The following OSBPL1A variants were observed in gnomAD, a reference collection of about 807,000 sequenced individuals.
OSBPL1A encodes oxysterol-binding protein-related protein 1.
A neutral mutation model predicts 137.1 loss-of-function variants in OSBPL1A; 80 were observed. That is an observed-to-expected ratio of 0.58 (90% CI 0.49 to 0.70). The LOEUF (loss-of-function observed/expected upper bound fraction) is 0.70. OSBPL1A is among the 30% of genes least tolerant of loss of function. OSBPL1A has a pLI of 0.00. For missense variants in OSBPL1A, 970 were observed against 1,129.4 expected (o/e 0.86, Z 2.02); for synonymous variants, 365 against 389.7 (o/e 0.94, Z 0.75).
At chr18:24,175,113 T>TATATATATATATAC (rs1344719553) in intron 21 of OSBPL1A, among the ~76,000 whole-genome samples, 23 of 15,770 alleles carry the variant, frequency 1.5e-3, no homozygotes, top group East Asian at 3.5e-3. Context: ...TGTATGTATA[T>TATATATATATATAC]ATATATATAT....
At chr18:24,187,236 G>A (rs1336108529) in intron 18 of OSBPL1A, among the ~76,000 whole-genome samples, 2 of 152,036 alleles carry the variant, frequency 1.3e-5, no homozygotes, top group African/African-American at 4.8e-5. Flanking sequence ...GGCTGATGAA[G>A]GGGAAGTAGG....
At chr18:24,362,657 C>A (rs1247019474) in intron 4 of OSBPL1A, among the ~76,000 whole-genome samples, 1 of 152,114 alleles carries the variant, frequency 6.6e-6, no homozygotes, top group Non-Finnish European at 1.5e-5. Flanking sequence ...TGGTCAACAA[C>A]TAGAATATAC....
At chr18:24,291,669 T>C (rs967391252) in intron 14 of OSBPL1A, among the ~76,000 whole-genome samples, 4 of 151,034 alleles carry the variant, frequency 2.6e-5, no homozygotes, top group African/African-American at 9.7e-5. Context: ...AAGCAAGCTA[T>C]AGAACAACAA....
rs375300030 is a variant in OSBPL1A at position 24,334,227 on chromosome 18, GTTTT to G, written c.480+14_480+17del. On this transcript the variant is annotated intron_variant, in intron 6 of 27. Coordinates refer to ENST00000319481, the MANE Select transcript of OSBPL1A (RefSeq NM_080597.4). ...AAAGACTGCTTTTTGTCTTTTGGGG[GTTTT>G]TTGTTTGTTTTACCAGAGCTGTGAG... The G allele has an allele frequency of 6.9e-6, 11 of 1,587,242 alleles. No individual in the cohort carries two copies. The highest frequency in any genetic ancestry group is 5.7e-5 in the Admixed American group (3 of 53,078).
chr18:24,218,937 G>A (rs946922532), intron 17 of OSBPL1A, among the ~76,000 whole-genome samples: 1 of 152,020 alleles, frequency 6.6e-6, no homozygotes, highest in African/African-American at 2.4e-5. Flanking sequence ...TACAATTTTT[G>A]TTAGTTAAAA....
chr18:24,164,266 T>TA (rs2145899817), intron 27 of OSBPL1A, among the ~76,000 whole-genome samples: 1 of 152,042 alleles, frequency 6.6e-6, no homozygotes, highest in East Asian at 1.9e-4. Flanking sequence ...GAAACGTGAA[T>TA]AAAACCCACA....
At chr18:24,291,561 A>G (rs1156790606) in intron 14 of OSBPL1A, among the ~76,000 whole-genome samples, 2 of 152,140 alleles carry the variant, frequency 1.3e-5, no homozygotes, top group Non-Finnish European at 2.9e-5. Context: ...AGAGAATATA[A>G]AGAATGATGA....
intron 14 of OSBPL1A, among the ~76,000 whole-genome samples, chr18:24,286,621 A>G (rs1195873856): frequency 1.3e-5 from 2 of 152,242 alleles, no homozygotes; most frequent in Non-Finnish European, 2.9e-5. Flanking sequence ...ATGGACTAGA[A>G]TAATCCATAG....
intron 15 of OSBPL1A, among the ~76,000 whole-genome samples, chr18:24,260,417 A>G (rs1476959894): frequency 1.3e-5 from 2 of 152,250 alleles, no homozygotes; most frequent in African/African-American, 4.8e-5. Flanking sequence ...CCAAATGCCC[A>G]TAAATGGATA....
In OSBPL1A at chr18:24,178,324, T is replaced by G. The variant is rs1211524878; in HGVS notation, c.1911-129A>C. 4 of 969,882 alleles carry G rather than the reference T, an allele frequency of 4.1e-6. No homozygotes were observed. The East Asian group carries it at 8.0e-5, about 19-fold the overall frequency. The allele number at this position is 969,882 out of a possible 1,614,324, so 60.1% of individuals were successfully genotyped here. ...TGTTGTTGTTGTTGAGACAAAATCT[T>G]GCTCTGTCGCTCAGGCTGGAGCAGT... On this transcript the variant is annotated intron_variant, in intron 20 of 27. Transcript: ENST00000319481.
At chr18:24,353,121 T>G (rs897856192) in intron 4 of OSBPL1A, among the ~76,000 whole-genome samples, 11 of 151,926 alleles carry the variant, frequency 7.2e-5, no homozygotes, top group African/African-American at 2.7e-4. Context: ...ACCATCAGAG[T>G]GAACAGGCAA....
At chr18:24,245,199 G>A (rs772209387) in intron 15 of OSBPL1A, among the ~76,000 whole-genome samples, 5 of 151,888 alleles carry the variant, frequency 3.3e-5, no homozygotes, top group Non-Finnish European at 7.4e-5. Flanking sequence ...TGACTCAAGC[G>A]ATCCTCCTGC....
At chr18:24,219,843 A>C (rs1236091805) in intron 17 of OSBPL1A, among the ~76,000 whole-genome samples, 2 of 152,158 alleles carry the variant, frequency 1.3e-5, no homozygotes, top group Admixed American at 6.5e-5. Flanking sequence ...TTGTGAAGGT[A>C]ATTCTCATGA....
chr18:24,385,156 G>A (rs1460247160), intron 1 of OSBPL1A, among the ~76,000 whole-genome samples: 1 of 152,034 alleles, frequency 6.6e-6, no homozygotes, highest in Middle Eastern at 3.4e-3. Flanking sequence ...GGGTTTCACT[G>A]TGTTAGCCAG....
intron 21 of OSBPL1A, among the ~76,000 whole-genome samples, chr18:24,176,591 T>C (rs1427255429): frequency 6.6e-6 from 1 of 152,244 alleles, no homozygotes; most frequent in African/African-American, 2.4e-5. Context: ...TGTAAGACTC[T>C]GTCCTCTTAA....
At chr18:24,280,201 T>C (rs1321312349) in intron 15 of OSBPL1A, among the ~76,000 whole-genome samples, 1 of 152,010 alleles carries the variant, frequency 6.6e-6, no homozygotes, top group Non-Finnish European at 1.5e-5. Flanking sequence ...CACCTTAGCC[T>C]CCCAAAGCGC....
chr18:24,385,325 A>G (rs1215186348), intron 1 of OSBPL1A, among the ~76,000 whole-genome samples: 2 of 152,208 alleles, frequency 1.3e-5, no homozygotes, highest in Non-Finnish European at 2.9e-5. Flanking sequence ...CAGGAGTTCG[A>G]GGCTGCTGTG....
At chr18:24,164,540 T>C (rs951702048) in intron 27 of OSBPL1A, among the ~76,000 whole-genome samples, 2 of 146,926 alleles carry the variant, frequency 1.4e-5, no homozygotes, top group Non-Finnish European at 3.0e-5. Context: ...GCCATTCTCC[T>C]GCCTCAGCCT....
rs1457208900 is a variant in OSBPL1A at position 24,181,299 on chromosome 18, A to G, written c.1678-20T>C. On this transcript the variant is annotated intron_variant, in intron 18 of 27. Coordinates refer to ENST00000319481, the MANE Select transcript of OSBPL1A (RefSeq NM_080597.4). ...TAGTTCCTATTTAACCAGAAAATTGAAAGTGTTATGTCCCATATACATAAC... is the reference window on the plus strand; with the variant it reads ...TAGTTCCTATTTAACCAGAAAATTGGAAGTGTTATGTCCCATATACATAAC... 5.0e-6 allele frequency: 8 copies of G among 1,612,788 alleles called. No individual in the cohort carries two copies. Among genetic ancestry groups the G allele is most frequent in the Non-Finnish European group, 6.8e-6 (8 of 1,179,226 alleles).
Sources: allele counts gnomAD v4.1 joint callset (sites outside exome capture counted in the v4.1 genomes callset), GRCh38; gene constraint gnomAD v4.1.1; transcripts MANE v1.5; gene names NCBI Gene and HGNC (gene_info 2026-07-23, HGNC 2026-07-21).